The following NTRK1 variants were observed in gnomAD, a reference collection of about 807,000 sequenced individuals.
The protein encoded by NTRK1 is high affinity nerve growth factor receptor.
In NTRK1, 62 loss-of-function variants were observed where a neutral mutation model predicts 86.8. That is an observed-to-expected ratio of 0.71 (90% CI 0.58 to 0.88). NTRK1 has a LOEUF of 0.88. NTRK1 is among the 40% of genes least tolerant of loss of function. NTRK1 has a pLI of 0.00. For synonymous variants in NTRK1, 469 were observed against 456.6 expected, an observed-to-expected ratio of 1.03 and a Z score of -0.35; for missense variants, 967 against 1,078.4, an observed-to-expected ratio of 0.90 and a Z score of 1.45.
intron 1 of NTRK1, chr1:156,816,668 C>T (rs751310132): frequency 6.2e-7 from 1 of 1,602,072 alleles, no homozygotes; most frequent in Non-Finnish European, 8.5e-7. Flanking sequence ...TTCAACTTCA[C>T]ACTTACCTTG....
intron 1 of NTRK1, chr1:156,841,656 C>CG: frequency 6.2e-7 from 1 of 1,613,236 alleles, no homozygotes; most frequent in South Asian, 1.1e-5. Flanking sequence ...TGCTCCAGCT[C>CG]GGCCCCACCA....
At position 156,829,928 on chromosome 1, in the gene NTRK1, C is replaced by A. The variant is rs959590334; in HGVS notation, c.-63-12153C>A. ...TTGGCCTCCCAAAGTGCTGGGATTACAGGCATGAGCCACTACGCTTGGCCC... is the reference window on the plus strand; with the variant it reads ...TTGGCCTCCCAAAGTGCTGGGATTAAAGGCATGAGCCACTACGCTTGGCCC... On this transcript the variant is annotated intron_variant, in intron 1 of 16. Coordinates refer to the NTRK1 transcript ENST00000392302. Among the ~76,000 whole-genome samples the A allele has an allele frequency of 6.6e-5, 10 of 152,218 alleles. 1 individual carries two copies. Among genetic ancestry groups the A allele is most frequent in the Non-Finnish European group, 1.5e-4 (10 of 68,042 alleles).
At chr1:156,881,318 A>G (rs540006667) in intron 16 of NTRK1, 139 bp from the exon 17 acceptor site, 1 of 737,722 alleles carries the variant, frequency 1.4e-6, no homozygotes, top group East Asian at 2.9e-5. Context: ...GACTGTGTCC[A>G]TTCGGGTTAT....
intron 16 of NTRK1, chr1:156,880,437 T>A (rs913057419): frequency 1.9e-6 from 1 of 517,122 alleles, no homozygotes; most frequent in South Asian, 2.2e-5. Flanking sequence ...CATCCCTAGC[T>A]GCATTTTATA....
intron 2 of NTRK1, chr1:156,844,706 C>A (rs1218571048): frequency 6.2e-7 from 1 of 1,614,014 alleles, no homozygotes; most frequent in Admixed American, 1.7e-5. Flanking sequence ...CGGGCACCTA[C>A]CTCTCCCAAG....
intron 16 of NTRK1, chr1:156,880,423 C>T (rs1240355854): frequency 3.7e-6 from 2 of 546,632 alleles, no homozygotes; most frequent in East Asian, 3.1e-5. Flanking sequence ...GGAGCCCAGA[C>T]CCCCATCCCT....
chr1:156,827,793 C>T (rs1020415655), intron 1 of NTRK1, among the ~76,000 whole-genome samples: 2 of 152,144 alleles, frequency 1.3e-5, no homozygotes, highest in African/African-American at 4.8e-5. Flanking sequence ...CAGCTTCTGG[C>T]CCTGACTTCA....
At chr1:156,821,453 C>CTGTGTGTGTGTGTGTG (rs59579534) in intron 1 of NTRK1, among the ~76,000 whole-genome samples, 1 of 137,940 alleles carries the variant, frequency 7.2e-6, no homozygotes, top group African/African-American at 2.8e-5. Context: ...CTAATTTAGC[C>CTGTGTGTGTGTGTGTG]TGTGTGTGTG....
intron 2 of NTRK1, among the ~76,000 whole-genome samples, chr1:156,850,996 A>G (rs1655185606): frequency 6.6e-6 from 1 of 152,238 alleles, no homozygotes; most frequent in African/African-American, 2.4e-5. Context: ...CAACTGTTAT[A>G]GAGTTATATG....
At chr1:156,841,807 G>A (rs780826465) in intron 1 of NTRK1, 1 of 1,614,144 alleles carries the variant, frequency 6.2e-7, no homozygotes, top group South Asian at 1.1e-5. Flanking sequence ...GGAAAGTGAG[G>A]GTGAGGGTGG....
intron 7 of NTRK1, 96 bp from the exon 8 acceptor site, chr1:156,873,536 CG>C: frequency 1.0e-6 from 1 of 982,434 alleles, no homozygotes; most frequent in South Asian, 1.4e-5. Context: ...CCTTTGATTT[CG>C]GGTTCTACTC....
At chr1:156,844,981 G>A (rs2102857451) in intron 2 of NTRK1, 1 of 1,534,296 alleles carries the variant, frequency 6.5e-7, no homozygotes, top group Non-Finnish European at 8.8e-7. Context: ...AGCAAAGCGA[G>A]GCTCTGGGGT....
intron 2 of NTRK1, chr1:156,851,189 G>T: frequency 7.4e-7 from 1 of 1,350,224 alleles, no homozygotes; most frequent in Non-Finnish European, 1.1e-6. Flanking sequence ...CGCCTAGTGA[G>T]TAGCAAAATT....
chr1:156,880,256 C>T, intron 16 of NTRK1, 99 bp downstream of exon 16: 3 of 1,362,902 alleles, frequency 2.2e-6, no homozygotes, highest in Non-Finnish European at 3.1e-6. Flanking sequence ...GCCCCTCTGC[C>T]ACAGCCTGTT....
At chr1:156,845,021 A>C in intron 2 of NTRK1, 1 of 1,557,082 alleles carries the variant, frequency 6.4e-7, no homozygotes, top group South Asian at 1.2e-5. Flanking sequence ...AAACCTTTGC[A>C]CAGGGTCCTT....
Position 156,875,008 on chromosome 1 carries a change from C to G in NTRK1, c.1354C>G (p.Arg452Gly), listed in dbSNP as rs34900547. ...CGRRNKFGINRPAVLAPEDGL... is the reference protein window; with the variant it reads ...CGRRNKFGINGPAVLAPEDGL... ...ACGGAGAAACAAGTTTGGGATCAAC[C>G]GTGAGTCGGGGCTGCAGAGGGCTGT... Residue 452 changes from arginine to glycine, a missense_variant and splice_region_variant, in exon 11 of 17, where the codon CGC becomes GGC. This residue lies in a region of NTRK1 where 637 missense variants were observed against 776.5 expected (regional missense o/e 0.82). Transcript: ENST00000524377. 2.7e-5 allele frequency: 43 copies of G among 1,607,464 alleles called. No individual in the cohort carries two copies. Among genetic ancestry groups the G allele is most frequent in the Non-Finnish European group, 3.6e-5 (42 of 1,174,078 alleles).
chr1:156,845,230 C>G, intron 2 of NTRK1: 1 of 1,610,210 alleles, frequency 6.2e-7, no homozygotes, highest in African/African-American at 1.3e-5. Flanking sequence ...CCTCCTGGAT[C>G]TCGAAATCCG....
At position 156,860,996 on chromosome 1, in the gene NTRK1, G is replaced by A; in HGVS notation, c.62G>A (p.Ser21Asn). Residue 21 changes from serine to asparagine, a missense_variant, in exon 1 of 17, where the codon AGC becomes AAC. Coordinates refer to ENST00000524377, the MANE Select transcript of NTRK1 (RefSeq NM_002529.4). ...GWHSWAAGPG[S>N]LLAWLILASA... ...CACAGCTGGGCTGCGGGGCCGGGCA[G>A]CCTGCTGGCTTGGCTGATACTGGCA... 4 of 1,531,142 alleles carry A rather than the reference G, an allele frequency of 2.6e-6. No homozygotes were observed. The highest frequency in any genetic ancestry group is 3.5e-6 in the Non-Finnish European group (4 of 1,145,530). 94.8% of individuals were successfully genotyped at this position (1,531,142 alleles called of 1,614,324 possible).
chr1:156,855,185 T>TATCTATCTA (rs1378246747), intron 2 of NTRK1, among the ~76,000 whole-genome samples: 2 of 150,358 alleles, frequency 1.3e-5, no homozygotes, highest in Non-Finnish European at 2.9e-5. Flanking sequence ...TTTATCTATC[T>TATCTATCTA]ATCTATCTAT....
Sources: gnomAD v4.1 joint callset for allele counts (sites outside exome capture counted in the v4.1 genomes callset) on GRCh38, gnomAD v4.1.1 for gene constraint, gnomAD v4.1.1 regional missense constraint, MANE v1.5 for transcripts, NCBI Gene and HGNC (gene_info 2026-07-23, HGNC 2026-07-21) for gene names.